Variants in PARN observed in about 807,000 individuals in gnomAD.
The protein encoded by PARN is poly(A)-specific ribonuclease PARN.
PARN carries 71 observed loss-of-function variants against 102.8 expected under a neutral mutation model. The ratio of observed to expected loss-of-function variants is 0.69; its 90% CI spans 0.57 to 0.84. PARN has a LOEUF of 0.84. Ranked by LOEUF, PARN falls within the 40% of genes least tolerant of loss-of-function variation. The probability of loss-of-function intolerance (pLI) is 0.00; values close to 1 mark genes in which losing one functional copy is unlikely to be tolerated. For missense variants in PARN, 782 were observed against 760.9 expected (o/e 1.03, Z -0.33); for synonymous variants, 261 against 252.9 (o/e 1.03, Z -0.30).
intron 12 of PARN, 128 bp from the exon 13 acceptor site, chr16:14,593,506 A>AG (rs1970325419): frequency 6.9e-6 from 3 of 433,786 alleles, no homozygotes; most frequent in African/African-American, 6.2e-5. Context: ...AAAAAAAAAA[A>AG]AAAAAAAAAA....
chr16:14,523,504 A>G (rs781717793), intron 21 of PARN, among the ~76,000 whole-genome samples: 3 of 152,220 alleles, frequency 2.0e-5, no homozygotes, highest in Non-Finnish European at 4.4e-5. Context: ...CAGAAAATAC[A>G]GTCAGGACAG....
chr16:14,538,119 T>A (rs532373185), intron 21 of PARN, among the ~76,000 whole-genome samples: 115 of 152,146 alleles, frequency 7.6e-4, no homozygotes, highest in Middle Eastern at 3.4e-3. Flanking sequence ...AATACTTATC[T>A]AGGCAGAGTA....
intron 21 of PARN, among the ~76,000 whole-genome samples, chr16:14,483,957 T>G (rs572003556): frequency 2.0e-5 from 3 of 152,230 alleles, no homozygotes; most frequent in Non-Finnish European, 1.5e-5. Flanking sequence ...CAGTGTACAC[T>G]GCACCCAGTG....
At chr16:14,524,233 CTTCT>C (rs1242853918) in intron 21 of PARN, among the ~76,000 whole-genome samples, 1 of 152,136 alleles carries the variant, frequency 6.6e-6, no homozygotes, top group Non-Finnish European at 1.5e-5. Context: ...CTGGTTATGA[CTTCT>C]TTATTTTGTT....
intron 7 of PARN, among the ~76,000 whole-genome samples, chr16:14,610,265 G>A (rs12447291): frequency 0.18 from 27,026 of 152,032 alleles, 3,129 homozygotes; most frequent in Middle Eastern, 0.29. Context: ...TTGAGGCCAG[G>A]AGTTCGAGAC....
intron 21 of PARN, among the ~76,000 whole-genome samples, chr16:14,545,279 T>C (rs1271223151): frequency 2.0e-5 from 3 of 152,196 alleles, no homozygotes; most frequent in Non-Finnish European, 2.9e-5. Flanking sequence ...AACATAGACC[T>C]TATGCTTGAC....
At chr16:14,519,999 C>T (rs1197064350) in intron 21 of PARN, among the ~76,000 whole-genome samples, 2 of 151,988 alleles carry the variant, frequency 1.3e-5, no homozygotes, top group Non-Finnish European at 2.9e-5. Flanking sequence ...TGGAAGAACA[C>T]ATCACCACCT....
intron 21 of PARN, among the ~76,000 whole-genome samples, chr16:14,502,741 G>C (rs1164354997): frequency 1.3e-5 from 2 of 152,158 alleles, no homozygotes; most frequent in African/African-American, 4.8e-5. Context: ...ACCCAAGCTA[G>C]TTCTCTGAAG....
chr16:14,552,101 A>G lies in PARN; in HGVS notation c.1406-6T>C. On this transcript the variant is annotated splice_polypyrimidine_tract_variant and splice_region_variant and intron_variant, in intron 20 of 23. Transcript: ENST00000437198. ...CCAGGATATCTGAATGTTACCTGCA[A>G]TCGCAAATTAAAAGTAAAGTGAACA... is the stretch of plus-strand genomic sequence containing the variant. 6.3e-7 allele frequency: 1 copy of G among 1,589,128 alleles called. No homozygotes were observed. Among genetic ancestry groups the G allele is most frequent in the Non-Finnish European group, 8.6e-7 (1 of 1,158,938 alleles).
intron 22 of PARN, among the ~76,000 whole-genome samples, chr16:14,455,452 T>A (rs1961634832): frequency 6.6e-6 from 1 of 152,202 alleles, no homozygotes; most frequent in African/African-American, 2.4e-5. Flanking sequence ...GTAAAAGTAT[T>A]TACAAAGAAC....
At chr16:14,611,830 C>A (rs535994109) in intron 6 of PARN, among the ~76,000 whole-genome samples, 1 of 152,116 alleles carries the variant, frequency 6.6e-6, no homozygotes, top group African/African-American at 2.4e-5. Context: ...CCACGGCCAC[C>A]GCGCACGGCC....
chr16:14,458,579 G>C (rs552519432), intron 22 of PARN, among the ~76,000 whole-genome samples: 40 of 152,274 alleles, frequency 2.6e-4, no homozygotes, highest in African/African-American at 9.4e-4. Flanking sequence ...GAAAAGCAGG[G>C]AGAAGAGTGG....
intron 2 of PARN, 121 bp downstream of exon 2, chr16:14,629,476 C>T: frequency 1.4e-6 from 1 of 729,812 alleles, no homozygotes; most frequent in African/African-American, 1.8e-5. Context: ...CTGTGAAACC[C>T]GCCCAAGGCT....
At chr16:14,569,046 T>C (rs1968620207) in intron 18 of PARN, among the ~76,000 whole-genome samples, 1 of 151,578 alleles carries the variant, frequency 6.6e-6, no homozygotes, top group African/African-American at 2.4e-5. Context: ...ACCCCGTCTC[T>C]ACTAAAAATA....
intron 22 of PARN, among the ~76,000 whole-genome samples, chr16:14,456,246 C>T (rs577563865): frequency 2.6e-5 from 4 of 151,900 alleles, no homozygotes; most frequent in Non-Finnish European, 5.9e-5. Flanking sequence ...CACAGCTCAC[C>T]GCAGCCTCAA....
At chr16:14,528,832 T>C (rs1966156732) in intron 21 of PARN, among the ~76,000 whole-genome samples, 1 of 152,234 alleles carries the variant, frequency 6.6e-6, no homozygotes. Flanking sequence ...TGTTTGGATA[T>C]TTCAACTAGT....
chr16:14,470,907 G>A (rs145592305), intron 22 of PARN, among the ~76,000 whole-genome samples: 1 of 152,276 alleles, frequency 6.6e-6, no homozygotes, highest in East Asian at 1.9e-4. Flanking sequence ...CTCCTGAGTA[G>A]CTAGGTTTAC....
chr16:14,629,800 C>G, intron 1 of PARN, 126 bp from the exon 2 acceptor site: 1 of 761,598 alleles, frequency 1.3e-6, no homozygotes, highest in Admixed American at 2.2e-5. Flanking sequence ...AGGTGTGCAC[C>G]GGGGCGAGGG....
chr16:14,614,204 T>C (rs1971717791), intron 6 of PARN, among the ~76,000 whole-genome samples: 1 of 150,632 alleles, frequency 6.6e-6, no homozygotes, highest in Non-Finnish European at 1.5e-5. Flanking sequence ...CTGCAGTGAG[T>C]CATGAATGTG....
Sources: allele counts gnomAD v4.1 joint callset (sites outside exome capture counted in the v4.1 genomes callset), GRCh38; gene constraint gnomAD v4.1.1; transcripts MANE v1.5; gene names NCBI Gene and HGNC (gene_info 2026-07-23, HGNC 2026-07-21).